ARHGEF3: variants seen among roughly 807,000 people sequenced by gnomAD.
ARHGEF3 encodes Rho guanine nucleotide exchange factor 3.
Under a neutral mutation model 63.2 loss-of-function variants are expected in ARHGEF3, and 28 were observed. That is an observed-to-expected ratio of 0.44 (90% CI 0.33 to 0.61). ARHGEF3 has a LOEUF of 0.61. ARHGEF3 is among the 20% of genes least tolerant of loss of function. ARHGEF3 has a pLI of 0.03. For synonymous variants in ARHGEF3, 266 were observed against 254.2 expected, an observed-to-expected ratio of 1.05 and a Z score of -0.44; for missense variants, 533 against 659.3, an observed-to-expected ratio of 0.81 and a Z score of 2.10.
chr3:56,741,019 T>C (rs1200322338), intron 7 of ARHGEF3, among the ~76,000 whole-genome samples: 1 of 152,210 alleles, frequency 6.6e-6, no homozygotes, highest in Non-Finnish European at 1.5e-5. Context: ...TGCTGGTGTT[T>C]GAAAAACAGA....
intron 3 of ARHGEF3, among the ~76,000 whole-genome samples, chr3:56,954,026 C>T (rs943534057): frequency 1.3e-5 from 2 of 152,074 alleles, no homozygotes; most frequent in Non-Finnish European, 2.9e-5. Flanking sequence ...ATTAAAAGGT[C>T]AGGGCTACAA....
chr3:56,901,149 A>G lies in ARHGEF3; in HGVS notation c.130-18795T>C, dbSNP rs145646029. Among the ~76,000 whole-genome samples the G allele has an allele frequency of 1.3e-3, 193 of 152,328 alleles. 1 individual carries two copies. Among genetic ancestry groups the G allele is most frequent in the African/African-American group, 4.4e-3 (182 of 41,576 alleles). ...GCATAAGCAATGTTTTTGAAACATA[A>G]GGTCTGTGTTCAGATTCCAGCATAG... On this transcript the variant is annotated intron_variant, in intron 3 of 12. Transcript: ENST00000338458.
intron 1 of ARHGEF3, among the ~76,000 whole-genome samples, chr3:57,070,121 G>A (rs1705803134): frequency 6.6e-6 from 1 of 152,178 alleles, no homozygotes; most frequent in Non-Finnish European, 1.5e-5. Context: ...ATGGAGCCTG[G>A]CTTCAATTCT....
intron 1 of ARHGEF3, among the ~76,000 whole-genome samples, chr3:57,041,704 C>G (rs1704192851): frequency 6.6e-6 from 1 of 152,202 alleles, no homozygotes; most frequent in Non-Finnish European, 1.5e-5. Context: ...GCACTCACAG[C>G]TTTATAAACT....
intron 4 of ARHGEF3, among the ~76,000 whole-genome samples, chr3:56,850,707 C>A (rs994985153): frequency 7.9e-5 from 12 of 152,276 alleles, no homozygotes; most frequent in African/African-American, 2.9e-4. Context: ...CTGCCTGGCA[C>A]TATGTGAGGC....
intron 2 of ARHGEF3, among the ~76,000 whole-genome samples, chr3:56,764,849 C>T (rs890766544): frequency 3.3e-5 from 5 of 151,750 alleles, no homozygotes; most frequent in African/African-American, 7.3e-5. Flanking sequence ...CTCCGCCTCC[C>T]GGGTTCGAGC....
At chr3:56,747,816 T>A (rs1266824389) in intron 6 of ARHGEF3, among the ~76,000 whole-genome samples, 1 of 152,052 alleles carries the variant, frequency 6.6e-6, no homozygotes, top group Non-Finnish European at 1.5e-5. Flanking sequence ...AGAGAGAGAC[T>A]GTCTCGGAAA....
intron 4 of ARHGEF3, among the ~76,000 whole-genome samples, chr3:56,848,021 T>C (rs955144856): frequency 7.2e-5 from 11 of 152,172 alleles, no homozygotes; most frequent in Admixed American, 2.0e-4. Context: ...ACATCACGAC[T>C]ACAATAAGCA....
At chr3:56,846,817 A>G (rs958775961) in intron 4 of ARHGEF3, among the ~76,000 whole-genome samples, 1 of 152,288 alleles carries the variant, frequency 6.6e-6, no homozygotes, top group Non-Finnish European at 1.5e-5. Flanking sequence ...AAGCTCTAAA[A>G]TGCTAAGAAT....
chr3:56,741,184 CTTTTTTT>C (rs10662620), intron 7 of ARHGEF3, among the ~76,000 whole-genome samples: 3 of 128,872 alleles, frequency 2.3e-5, no homozygotes, highest in African/African-American at 8.7e-5. Context: ...TGCTTTGGTT[CTTTTTTT>C]TTTTTTTTTT....
At chr3:57,021,498 C>T (rs1308830301) in intron 2 of ARHGEF3, among the ~76,000 whole-genome samples, 2 of 152,158 alleles carry the variant, frequency 1.3e-5, no homozygotes, top group African/African-American at 2.4e-5. Flanking sequence ...TGGCTCACAC[C>T]TGTAATCCCA....
chr3:56,960,259 G>T (rs1700222392), intron 2 of ARHGEF3, among the ~76,000 whole-genome samples: 1 of 152,106 alleles, frequency 6.6e-6, no homozygotes, highest in African/African-American at 2.4e-5. Context: ...CTGTGAGTTA[G>T]GATGCATTAT....
chr3:56,921,134 A>G (rs953833696), intron 3 of ARHGEF3, among the ~76,000 whole-genome samples: 12 of 150,658 alleles, frequency 8.0e-5, no homozygotes, highest in African/African-American at 2.9e-4. Flanking sequence ...GGAGGCAGAG[A>G]CATGAGGATG....
intron 8 of ARHGEF3, 138 bp from the exon 9 acceptor site, chr3:56,732,562 A>T: frequency 1.0e-6 from 1 of 998,176 alleles, no homozygotes; most frequent in East Asian, 2.5e-5. Flanking sequence ...ATCTACCTCC[A>T]GGAGAACCAA....
At chr3:56,747,064 CAGAGAGAGAGAG>C (rs5849167) in intron 6 of ARHGEF3, among the ~76,000 whole-genome samples, 4 of 148,166 alleles carry the variant, frequency 2.7e-5, no homozygotes, top group Non-Finnish European at 4.5e-5. Context: ...CACACACACA[CAGAGAGAGAGAG>C]AGAGAGAGAG....
intron 3 of ARHGEF3, among the ~76,000 whole-genome samples, chr3:56,928,069 G>A (rs569869049): frequency 1.3e-5 from 2 of 152,274 alleles, no homozygotes; most frequent in East Asian, 1.9e-4. Context: ...CATGCAGCAT[G>A]AGAAGGATGC....
chr3:56,736,623 T>C (rs2033641616), intron 8 of ARHGEF3, among the ~76,000 whole-genome samples: 1 of 152,232 alleles, frequency 6.6e-6, no homozygotes, highest in Admixed American at 6.5e-5. Flanking sequence ...CTGTTCTGCA[T>C]TTGTTTCTCA....
intron 2 of ARHGEF3, among the ~76,000 whole-genome samples, chr3:56,967,893 A>G (rs1391826979): frequency 3.1e-5 from 2 of 65,044 alleles, no homozygotes; most frequent in African/African-American, 6.4e-5. Context: ...AATATATAAT[A>G]TATAAATAAT....
chr3:56,926,015 C>G (rs1188351962), intron 3 of ARHGEF3, among the ~76,000 whole-genome samples: 1 of 152,202 alleles, frequency 6.6e-6, no homozygotes, highest in African/African-American at 2.4e-5. Flanking sequence ...TGCAAAAATA[C>G]CTCAGAAGCT....
Sources: allele counts gnomAD v4.1 joint callset (sites outside exome capture counted in the v4.1 genomes callset), GRCh38; gene constraint gnomAD v4.1.1; transcripts MANE v1.5; gene names NCBI Gene and HGNC (gene_info 2026-07-23, HGNC 2026-07-21).